GRHL2: variants seen among roughly 807,000 people sequenced by gnomAD.
The protein encoded by GRHL2 is grainyhead like transcription factor 2, also known as grainyhead-like protein 2 homolog.
A neutral mutation model predicts 83.8 loss-of-function variants in GRHL2; 21 were observed. The observed-to-expected ratio is 0.25, with a 90% CI of 0.18 to 0.36. The LOEUF is 0.36. GRHL2 is among the 10% of genes least tolerant of loss of function. The probability of loss-of-function intolerance (pLI) is 1.00; values close to 1 mark genes in which losing one functional copy is unlikely to be tolerated. For missense variants in GRHL2, 623 were observed against 781.8 expected (o/e 0.80, Z 2.42); for synonymous variants, 280 against 278.9 (o/e 1.00, Z -0.04).
At chr8:101,654,571 C>T (rs916935106) in intron 14 of GRHL2, among the ~76,000 whole-genome samples, 20 of 152,238 alleles carry the variant, frequency 1.3e-4, no homozygotes, top group South Asian at 6.2e-4. Flanking sequence ...AGCCAAAAAA[C>T]GAACAAAGAG....
chr8:101,671,375 G>T (rs1814205324), downstream of GRHL2, among the ~76,000 whole-genome samples: 1 of 152,186 alleles, frequency 6.6e-6, no homozygotes, highest in Non-Finnish European at 1.5e-5. Context: ...CCCGCACGTG[G>T]CTCGGAGGGT....
At chr8:101,672,224 GAGA>G (rs1387302965), downstream of GRHL2, among the ~76,000 whole-genome samples, 2 of 151,860 alleles carry the variant, frequency 1.3e-5, no homozygotes, top group Admixed American at 6.5e-5. Flanking sequence ...GACGAGCTGA[GAGA>G]AGAAGGCTTC....
At chr8:101,505,509 G>A (rs951425154) in intron 1 of GRHL2, among the ~76,000 whole-genome samples, 4 of 149,646 alleles carry the variant, frequency 2.7e-5, no homozygotes, top group Non-Finnish European at 3.0e-5. Context: ...CCTGGGACGC[G>A]GAGGTTGCAG....
chr8:101,648,487 G>A (rs1813557639), intron 13 of GRHL2, among the ~76,000 whole-genome samples: 2 of 152,194 alleles, frequency 1.3e-5, no homozygotes, highest in African/African-American at 4.8e-5. Context: ...CAGGCCCTGG[G>A]CTAAGCGTGC....
chr8:101,509,996 A>T (rs1363577379), intron 1 of GRHL2, among the ~76,000 whole-genome samples: 1 of 151,970 alleles, frequency 6.6e-6, no homozygotes, highest in Non-Finnish European at 1.5e-5. Flanking sequence ...TTATTTATTT[A>T]TTTATTTATT....
At chr8:101,573,862 C>T (rs1159389889) in intron 6 of GRHL2, 38 bp downstream of exon 6, 3 of 1,609,796 alleles carry the variant, frequency 1.9e-6, no homozygotes, top group South Asian at 1.1e-5. Flanking sequence ...ACAAAGGAAT[C>T]CGATGAACGG....
intron 1 of GRHL2, chr8:101,528,619 G>T (rs949755690): frequency 5.6e-6 from 1 of 177,202 alleles, no homozygotes; most frequent in South Asian, 1.4e-4. Flanking sequence ...AAGAATCACA[G>T]AAATGGAAAC....
intron 1 of GRHL2, among the ~76,000 whole-genome samples, chr8:101,502,005 G>T (rs1233032307): frequency 1.4e-5 from 2 of 142,754 alleles, no homozygotes; most frequent in Admixed American, 7.2e-5. Flanking sequence ...AGTTAAAATT[G>T]ACTTTTCTTC....
At chr8:101,628,306 G>C (rs1813119481) in intron 9 of GRHL2, among the ~76,000 whole-genome samples, 1 of 151,976 alleles carries the variant, frequency 6.6e-6, no homozygotes, top group South Asian at 2.1e-4. Context: ...TAAGAATCTT[G>C]CTATATCTAG....
intron 8 of GRHL2, among the ~76,000 whole-genome samples, chr8:101,602,687 G>A (rs867927018): frequency 4.6e-5 from 7 of 152,204 alleles, no homozygotes; most frequent in African/African-American, 1.7e-4. Context: ...GCTCTAATGA[G>A]GTACTGGGCT....
intron 1 of GRHL2, among the ~76,000 whole-genome samples, chr8:101,497,051 A>G (rs1212014879): frequency 6.6e-6 from 1 of 152,184 alleles, no homozygotes; most frequent in Non-Finnish European, 1.5e-5. Flanking sequence ...GGAGTAAATG[A>G]TGAACCTTCA....
At chr8:101,608,772 CA>C (rs1221882604) in intron 8 of GRHL2, among the ~76,000 whole-genome samples, 32 of 133,554 alleles carry the variant, frequency 2.4e-4, no homozygotes, top group Admixed American at 1.9e-3. Flanking sequence ...CACACACACA[CA>C]CACACCTACA....
chr8:101,641,446 C>T (rs911762767), intron 12 of GRHL2, among the ~76,000 whole-genome samples: 3 of 152,152 alleles, frequency 2.0e-5, no homozygotes, highest in African/African-American at 7.2e-5. Context: ...TCTTCTTGAG[C>T]ACCTCCTCAG....
chr8:101,645,116 ATTTTTT>A (rs553249046), intron 13 of GRHL2, among the ~76,000 whole-genome samples: 15 of 117,352 alleles, frequency 1.3e-4, no homozygotes, highest in South Asian at 5.9e-4. Context: ...GCAGTACAGA[ATTTTTT>A]TTTTTTTTTT....
At chr8:101,626,298 C>G (rs1460145523) in intron 9 of GRHL2, among the ~76,000 whole-genome samples, 1 of 152,000 alleles carries the variant, frequency 6.6e-6, no homozygotes, top group Non-Finnish European at 1.5e-5. Flanking sequence ...TAATCTCACA[C>G]CTGTGAGACT....
At chr8:101,662,162 T>C (rs1813935074) in intron 14 of GRHL2, among the ~76,000 whole-genome samples, 1 of 152,262 alleles carries the variant, frequency 6.6e-6, no homozygotes, top group African/African-American at 2.4e-5. Context: ...TGCTCTTTTA[T>C]GTTCTGTTCG....
At chr8:101,525,457 G>A (rs1810785078) in intron 1 of GRHL2, among the ~76,000 whole-genome samples, 1 of 151,738 alleles carries the variant, frequency 6.6e-6, no homozygotes. Flanking sequence ...AATAATAATT[G>A]TAAACCATGT....
At chr8:101,511,256 G>C (rs1382783744) in intron 1 of GRHL2, among the ~76,000 whole-genome samples, 1 of 152,112 alleles carries the variant, frequency 6.6e-6, no homozygotes, top group Non-Finnish European at 1.5e-5. Flanking sequence ...GTGACTAAAG[G>C]ACAAATTCAT....
intron 1 of GRHL2, among the ~76,000 whole-genome samples, chr8:101,500,595 G>A (rs1053020259): frequency 6.6e-6 from 1 of 152,054 alleles, no homozygotes; most frequent in Admixed American, 6.5e-5. Context: ...TGCAACCTCC[G>A]CCTCCTAGGT....
Sources: gnomAD v4.1 joint callset for allele counts (sites outside exome capture counted in the v4.1 genomes callset) on GRCh38, gnomAD v4.1.1 for gene constraint, MANE v1.5 for transcripts, NCBI Gene and HGNC (gene_info 2026-07-23, HGNC 2026-07-21) for gene names.